VIPR1: variants seen among roughly 807,000 people sequenced by gnomAD.
The protein encoded by VIPR1 is vasoactive intestinal peptide receptor 1, also known as vasoactive intestinal polypeptide receptor 1.
A neutral mutation model predicts 58.8 loss-of-function variants in VIPR1; 59 were observed. The ratio of observed to expected loss-of-function variants is 1.00; its 90% CI spans 0.81 to 1.25. The LOEUF (loss-of-function observed/expected upper bound fraction) is 1.25. VIPR1 is among the 50% of genes most tolerant of loss of function. The pLI, the probability that VIPR1 is intolerant of heterozygous loss-of-function variation, is 0.00. For synonymous variants in VIPR1, 251 were observed against 242.1 expected (o/e 1.04, Z -0.34); for missense variants, 626 against 602.7 (o/e 1.04, Z -0.40).
At chr3:42,507,803 C>T (rs1388336114) in intron 1 of VIPR1, 1 of 152,106 alleles carries the variant, frequency 6.6e-6, no homozygotes, top group Non-Finnish European at 1.5e-5. Flanking sequence ...CCTGATATCA[C>T]TCTGAGATGT....
At chr3:42,512,712 C>A (rs1348852362) in intron 1 of VIPR1, 1 of 984,136 alleles carries the variant, frequency 1.0e-6, no homozygotes, top group Non-Finnish European at 1.2e-6. Context: ...GCTGGACTCT[C>A]TTCTATGGCC....
upstream of VIPR1, among the ~76,000 whole-genome samples, chr3:42,498,633 G>A (rs1699810805): frequency 6.6e-6 from 1 of 152,156 alleles, no homozygotes; most frequent in South Asian, 2.1e-4. Context: ...AATCTGTTAT[G>A]TCAGGATGAT....
Position 42,536,525 on chromosome 3 carries a change from A to C in VIPR1, c.*244A>C. ...TCCTGGAGGATTGCAGGTGGAACTC[A>C]GTCATTAGACTCCTCCTCCAAAGGC... On this transcript the variant is annotated 3_prime_UTR_variant, in exon 13 of 13. Coordinates refer to ENST00000325123, the MANE Select transcript of VIPR1 (RefSeq NM_004624.4). The C allele has an allele frequency of 4.6e-6, 2 of 439,292 alleles. No homozygotes were observed. The highest frequency in any genetic ancestry group is 7.9e-6 in the Non-Finnish European group (2 of 252,142). 27.2% of individuals were successfully genotyped at this position (439,292 alleles called of 1,614,324 possible). A position where few individuals can be genotyped will look rare whatever the true frequency, so the allele number is the denominator to read the frequency against.
At chr3:42,518,602 G>T (rs1018503391) in intron 2 of VIPR1, among the ~76,000 whole-genome samples, 1 of 152,192 alleles carries the variant, frequency 6.6e-6, no homozygotes. Flanking sequence ...AGCCGGGCGT[G>T]GCGGCATGGG....
rs1701604116 is a variant in VIPR1, at chr3:42,532,234, C to A, written c.919-8C>A. On this transcript the variant is annotated splice_region_variant and splice_polypyrimidine_tract_variant and intron_variant, in intron 9 of 12. Coordinates refer to ENST00000325123, the MANE Select transcript of VIPR1 (RefSeq NM_004624.4). ...CTGACTGCCCGAACTCGGGTCCCCA[C>A]CCACTAGGTAAACTTCATCCTGTTT... 1.9e-6 allele frequency: 3 copies of A among 1,614,018 alleles called. No homozygotes were observed. The highest frequency in any genetic ancestry group is 8.5e-7 in the Non-Finnish European group (1 of 1,180,008).
At chr3:42,518,090 C>A (rs1056851958) in intron 2 of VIPR1, among the ~76,000 whole-genome samples, 1 of 151,872 alleles carries the variant, frequency 6.6e-6, no homozygotes, top group African/African-American at 2.4e-5. Flanking sequence ...CGTACCCATC[C>A]ACTTTATAAA....
chr3:42,489,953 C>A (rs1357958577), intron 1 of VIPR1, among the ~76,000 whole-genome samples: 1 of 152,134 alleles, frequency 6.6e-6, no homozygotes, highest in Non-Finnish European at 1.5e-5. Flanking sequence ...AGTCCAAGAC[C>A]TCTCCTCCGA....
chr3:42,535,507 C>G, intron 12 of VIPR1, 123 bp downstream of exon 12: 1 of 1,063,770 alleles, frequency 9.4e-7, no homozygotes, highest in Non-Finnish European at 1.4e-6. Flanking sequence ...GTATGGTCCT[C>G]AAACTAGTAG....
At chr3:42,519,455 G>C in intron 3 of VIPR1, 125 bp downstream of exon 3, 2 of 669,968 alleles carry the variant, frequency 3.0e-6, no homozygotes, top group Non-Finnish European at 4.7e-6. Flanking sequence ...GGGACTCCCT[G>C]GCAGAGGAGG....
intron 1 of VIPR1, chr3:42,508,900 T>TGTG (rs1421385025): frequency 6.6e-6 from 1 of 152,196 alleles, no homozygotes; most frequent in Admixed American, 6.5e-5. Flanking sequence ...CCATTCCCCC[T>TGTG]GTGTCTCTTT....
chr3:42,531,422 C>T (rs1430458114), intron 7 of VIPR1, 49 bp from the exon 8 acceptor site: 1 of 1,547,238 alleles, frequency 6.5e-7, no homozygotes, highest in Admixed American at 2.0e-5. Context: ...GCCCTCTACC[C>T]CTGCTTCCTG....
At chr3:42,520,824 TG>T (rs1700880024) in intron 3 of VIPR1, among the ~76,000 whole-genome samples, 1 of 152,112 alleles carries the variant, frequency 6.6e-6, no homozygotes, top group South Asian at 2.1e-4. Context: ...TGCCCCCCAG[TG>T]CCTGCTGTTG....
At chr3:42,531,401 C>T (rs1421307094) in intron 7 of VIPR1, 70 bp from the exon 8 acceptor site, 2 of 1,493,436 alleles carry the variant, frequency 1.3e-6, no homozygotes. Flanking sequence ...TCTCCAAAAT[C>T]TCTCCCTCAT....
chr3:42,519,362 G>A (rs1338494681), intron 3 of VIPR1, 32 bp downstream of exon 3: 1 of 1,562,650 alleles, frequency 6.4e-7, no homozygotes, highest in East Asian at 2.4e-5. Context: ...GGTGATGTGA[G>A]TGGGGCCGGC....
intron 1 of VIPR1, among the ~76,000 whole-genome samples, chr3:42,490,397 G>A (rs1374558187): frequency 6.6e-6 from 1 of 152,218 alleles, no homozygotes; most frequent in Non-Finnish European, 1.5e-5. Flanking sequence ...CTAGGGGCAA[G>A]CACAGCTGGC....
At chr3:42,508,637 A>G (rs549185583) in intron 1 of VIPR1, among the ~76,000 whole-genome samples, 1 of 152,254 alleles carries the variant, frequency 6.6e-6, no homozygotes, top group East Asian at 1.9e-4. Context: ...GATTTCCTTT[A>G]GTGCTCTCTG....
In VIPR1 at chr3:42,519,250, C is replaced by A. The variant is rs954675470; in HGVS notation, c.212C>A (p.Thr71Asn). Residue 71 changes from threonine to asparagine, a missense_variant, in exon 3 of 13, where the codon ACC becomes AAC. Transcript: ENST00000325123. ...IGCSKMWDNL[T>N]CWPATPRGQV... ...TGCAGCAAGATGTGGGACAACCTCA[C>A]CTGCTGGCCAGCCACCCCTCGGGGC... 7 of 1,610,688 alleles carry A rather than the reference C, an allele frequency of 4.3e-6. No homozygotes were observed. In the Admixed American group the frequency reaches 5.0e-5, roughly 12 times the overall value.
chr3:42,520,512 A>G (rs959575491), intron 3 of VIPR1, among the ~76,000 whole-genome samples: 10 of 151,510 alleles, frequency 6.6e-5, no homozygotes, highest in Admixed American at 4.6e-4. Flanking sequence ...GAAGTGGGAG[A>G]GTTGTTTATG....
At chr3:42,526,574 C>T (rs756168001) in intron 4 of VIPR1, among the ~76,000 whole-genome samples, 33 of 152,318 alleles carry the variant, frequency 2.2e-4, no homozygotes, top group Admixed American at 2.6e-4. Flanking sequence ...TGTCTGTCTG[C>T]GATGGCATCT....
Sources: gnomAD v4.1 joint callset for allele counts (sites outside exome capture counted in the v4.1 genomes callset) on GRCh38, gnomAD v4.1.1 for gene constraint, MANE v1.5 for transcripts, NCBI Gene and HGNC (gene_info 2026-07-23, HGNC 2026-07-21) for gene names.